DMD: variants seen among roughly 807,000 people sequenced by gnomAD.
DMD encodes dystrophin.
In DMD, 63 loss-of-function variants were observed where a neutral mutation model predicts 330.1. The observed-to-expected ratio is 0.19, with a 90% confidence interval of 0.16 to 0.24. The LOEUF is 0.24. Ranked by LOEUF, DMD falls within the 10% of genes least tolerant of loss-of-function variation. The probability of loss-of-function intolerance (pLI) is 1.00; values close to 1 mark genes in which losing one functional copy is unlikely to be tolerated. For missense variants in DMD, 3,344 were observed against 2,684.1 expected, an observed-to-expected ratio of 1.25 and a Z score of -5.43; for synonymous variants, 1,223 against 959.8, an observed-to-expected ratio of 1.27 and a Z score of -5.07.
intron 55 of DMD, among the ~76,000 whole-genome samples, chrX:31,550,168 T>A (rs2074392014): frequency 8.9e-6 from 1 of 111,794 alleles, no homozygotes; most frequent in South Asian, 3.8e-4. Context: ...TCTCTCACCA[T>A]GCTCTGCCAT....
At chrX:32,735,119 C>T (rs577648548) in intron 7 of DMD, among the ~76,000 whole-genome samples, 1 of 108,399 alleles carries the variant, frequency 9.2e-6, no homozygotes, top group Admixed American at 9.8e-5. Flanking sequence ...TATACACCAA[C>T]AACAGACAAG....
chrX:33,051,060 T>G (rs1395065490), intron 1 of DMD, among the ~76,000 whole-genome samples: 1 of 111,722 alleles, frequency 9.0e-6, no homozygotes, highest in Non-Finnish European at 1.9e-5. Context: ...AGAAATCCAC[T>G]TACACTTTAC....
chrX:31,507,867 T>C (rs2071107155), intron 55 of DMD, among the ~76,000 whole-genome samples: 1 of 111,937 alleles, frequency 8.9e-6, no homozygotes, highest in Non-Finnish European at 1.9e-5. Context: ...ATTTTCTATT[T>C]ACGTAGTAAT....
chrX:32,988,435 G>A (rs775771382), intron 2 of DMD, among the ~76,000 whole-genome samples: 2 of 111,705 alleles, frequency 1.8e-5, no homozygotes, highest in South Asian at 3.8e-4. Flanking sequence ...ATGGAAAAAC[G>A]ACCGTGTATG....
At chrX:31,575,790 C>T (rs1485323570) in intron 55 of DMD, among the ~76,000 whole-genome samples, 1 of 111,805 alleles carries the variant, frequency 8.9e-6, no homozygotes, top group East Asian at 2.8e-4. Flanking sequence ...CCCACTGCAA[C>T]ATGCCAAGAA....
intron 50 of DMD, among the ~76,000 whole-genome samples, chrX:31,818,344 T>C: frequency 8.9e-6 from 1 of 112,176 alleles, no homozygotes. Flanking sequence ...ATAAAGTGGA[T>C]GAATTATATA....
intron 52 of DMD, among the ~76,000 whole-genome samples, chrX:31,713,008 G>A (rs2084759145): frequency 2.7e-5 from 3 of 111,151 alleles, no homozygotes; most frequent in African/African-American, 3.3e-5. Context: ...TGGGCATGGT[G>A]GGCTTCCTCT....
intron 1 of DMD, among the ~76,000 whole-genome samples, chrX:33,193,997 G>A (rs886306126): frequency 9.1e-6 from 1 of 110,104 alleles, no homozygotes; most frequent in Non-Finnish European, 1.9e-5. Context: ...TAATCTAGTA[G>A]CGGAGATAAT....
In DMD at chrX:33,154,783, T is replaced by C. The variant is rs1443821116; in HGVS notation, c.31+56499A>G. Among the ~76,000 whole-genome samples the C allele has an allele frequency of 3.6e-5, 4 of 111,906 alleles. No individual in the cohort carries two copies. The East Asian group carries it at 8.4e-4, about 24-fold the overall frequency. ...AACTCATTATATTATCCTTTCAGAA[T>C]ATGGTCAAAGGCAAGCCCATTTTAC... On this transcript the variant is annotated intron_variant, in intron 1 of 78. Transcript: ENST00000357033.
intron 69 of DMD, 111 bp downstream of exon 69, chrX:31,180,259 A>T (rs1050549798): frequency 3.2e-5 from 19 of 591,729 alleles, no homozygotes; most frequent in Non-Finnish European, 5.2e-5. Flanking sequence ...TAGCTGGGGA[A>T]CATCTGGGGA....
chrX:33,216,864 G>A (rs951699629), intron 1 of DMD, among the ~76,000 whole-genome samples: 4 of 111,024 alleles, frequency 3.6e-5, no homozygotes, highest in Non-Finnish European at 5.7e-5. Context: ...ACTGAATATG[G>A]TAAACGTAAA....
rs1348688048 is a variant in DMD at position 32,260,981 on chromosome X, C to T, written c.6290+26548G>A. ...GACTATGAATTCTGGATGTTAGCCT[C>T]TGGCCTAGGAGGTTAGAAAATCAAA... On this transcript the variant is annotated intron_variant, in intron 43 of 78. Coordinates refer to ENST00000357033, the MANE Select transcript of DMD (RefSeq NM_004006.3). 4.8e-5 allele frequency among the ~76,000 whole-genome samples: 5 copies of T among 104,474 alleles called. No homozygotes were observed. The South Asian group carries it at 1.5e-3, about 31-fold the overall frequency. The allele number at this position is 104,474 out of a possible 115,157, so 90.7% of individuals were successfully genotyped here.
intron 34 of DMD, among the ~76,000 whole-genome samples, chrX:32,373,032 CT>C (rs1439169495): frequency 9.1e-6 from 1 of 110,404 alleles, no homozygotes; most frequent in African/African-American, 3.3e-5. Context: ...TTCTCCCATT[CT>C]TTCTCTGTGG....
intron 47 of DMD, among the ~76,000 whole-genome samples, chrX:31,896,952 A>T (rs2149791991): frequency 9.2e-6 from 1 of 108,839 alleles, no homozygotes; most frequent in African/African-American, 3.3e-5. Context: ...TTTAAGTTTT[A>T]GGGTACATGT....
intron 2 of DMD, among the ~76,000 whole-genome samples, chrX:32,930,812 T>C (rs2089518618): frequency 9.1e-6 from 1 of 110,196 alleles, no homozygotes; most frequent in Non-Finnish European, 1.9e-5. Flanking sequence ...TCATTTCTTT[T>C]GCATTATATA....
intron 44 of DMD, chrX:32,035,628 GA>G: frequency 3.9e-6 from 1 of 255,812 alleles, no homozygotes; most frequent in Non-Finnish European, 7.2e-6. Flanking sequence ...TAGAGTGTTA[GA>G]AAAACACATA....
chrX:33,051,212 CTTT>C (rs60096455), intron 1 of DMD, among the ~76,000 whole-genome samples: 1 of 90,066 alleles, frequency 1.1e-5, no homozygotes. Context: ...ACTGACTTTT[CTTT>C]TTTTTTTTTT....
intron 44 of DMD, among the ~76,000 whole-genome samples, chrX:32,024,486 CA>C (rs71872956): frequency 0.07 from 4,284 of 61,506 alleles, 91 homozygotes; most frequent in African/African-American, 0.12. Flanking sequence ...AACTCCCTCT[CA>C]AAAAAAAAAA....
chrX:31,730,282 G>A (rs767206225), intron 51 of DMD, among the ~76,000 whole-genome samples: 2 of 111,571 alleles, frequency 1.8e-5, no homozygotes, highest in South Asian at 7.5e-4. Flanking sequence ...CTGCCTGTCC[G>A]TAAGAATCAC....
Sources: allele counts gnomAD v4.1 joint callset (sites outside exome capture counted in the v4.1 genomes callset), GRCh38; gene constraint gnomAD v4.1.1; transcripts MANE v1.5; gene names NCBI Gene and HGNC (gene_info 2026-07-23, HGNC 2026-07-21).